Variants in METTL21A observed in about 807,000 individuals in gnomAD.
METTL21A encodes protein N-lysine methyltransferase METTL21A.
METTL21A carries 22 observed loss-of-function variants against 20.9 expected under a neutral mutation model. That is an observed-to-expected ratio of 1.05 (90% confidence interval 0.75 to 1.50). The LOEUF (loss-of-function observed/expected upper bound fraction) is 1.50. METTL21A is among the 40% of genes most tolerant of loss of function. The probability of loss-of-function intolerance (pLI) is 0.00; values close to 1 mark genes in which losing one functional copy is unlikely to be tolerated. For synonymous variants in METTL21A, 93 were observed against 102.0 expected (o/e 0.91, Z 0.53); for missense variants, 271 against 266.8 (o/e 1.02, Z -0.11).
intron 3 of METTL21A, among the ~76,000 whole-genome samples, chr2:207,586,753 A>G (rs2083914520): frequency 6.6e-6 from 1 of 152,226 alleles, no homozygotes; most frequent in Admixed American, 6.5e-5. Context: ...GTCTGAATAG[A>G]CATTTCTCAA....
At chr2:207,612,943 A>T in exon 4 of METTL21A, 1 of 1,260,464 alleles carries the variant, frequency 7.9e-7, no homozygotes, top group Non-Finnish European at 1.1e-6. Context: ...CCTTTGGCTT[A>T]GACTTTTTGT....
chr2:207,596,034 T>C (rs1213458734), intron 3 of METTL21A, among the ~76,000 whole-genome samples: 1 of 152,254 alleles, frequency 6.6e-6, no homozygotes, highest in Non-Finnish European at 1.5e-5. Context: ...TTTGGTGTTG[T>C]ATTTAAGATA....
chr2:207,619,020 A>G lies in METTL21A; in HGVS notation c.259+2786T>C, dbSNP rs550098658. Among the ~76,000 whole-genome samples the G allele has an allele frequency of 3.9e-5, 6 of 152,268 alleles. No homozygotes were observed. The East Asian group carries it at 7.7e-4, about 20-fold the overall frequency. On this transcript the variant is annotated intron_variant, in intron 3 of 3. Coordinates refer to ENST00000406927, the Ensembl canonical transcript of METTL21A. ...TCCCTTTCACCACTGGAAGGGCGCT[A>G]TAAGTAGGTAAGGCCTACTTACCAT...
intron 2 of METTL21A, among the ~76,000 whole-genome samples, chr2:207,622,496 T>C (rs894283388): frequency 6.6e-6 from 1 of 152,210 alleles, no homozygotes; most frequent in African/African-American, 2.4e-5. Flanking sequence ...ACAGCACTTT[T>C]ATGCTTGAAG....
At chr2:207,624,622 A>C in intron 1 of METTL21A, 1 of 387,890 alleles carries the variant, frequency 2.6e-6, no homozygotes, top group Non-Finnish European at 4.6e-6. Flanking sequence ...GAAGAAGAAA[A>C]AAAAAGCCCA....
chr2:207,590,349 C>G (rs531528016), intron 3 of METTL21A, among the ~76,000 whole-genome samples: 85 of 151,706 alleles, frequency 5.6e-4, no homozygotes, highest in Non-Finnish European at 1.0e-3. Context: ...CCCCAGCCAC[C>G]CTCCTTTTTT....
At chr2:207,598,351 T>C in intron 3 of METTL21A, 1 of 184,024 alleles carries the variant, frequency 5.4e-6, no homozygotes, top group Non-Finnish European at 1.2e-5. Context: ...ATATGCTGTA[T>C]AGCCTTTGTC....
At chr2:207,598,312 GTAGT>G (rs1332375835) in intron 3 of METTL21A, 1 of 183,622 alleles carries the variant, frequency 5.4e-6, no homozygotes, top group African/African-American at 2.3e-5. Context: ...TGTAAAAAGA[GTAGT>G]TATTAGTTCT....
intron 1 of METTL21A, chr2:207,625,136 G>A (rs2090978525): frequency 6.6e-6 from 1 of 152,380 alleles, no homozygotes; most frequent in South Asian, 2.1e-4. Flanking sequence ...AGGGGTGAGA[G>A]GGAGACCAGG....
chr2:207,588,355 G>A (rs1035141494), intron 3 of METTL21A, among the ~76,000 whole-genome samples: 2 of 151,904 alleles, frequency 1.3e-5, no homozygotes, highest in Non-Finnish European at 2.9e-5. Context: ...GACCATATTT[G>A]TGTGAGTCTG....
intron 3 of METTL21A, among the ~76,000 whole-genome samples, chr2:207,589,211 G>A (rs2084498771): frequency 1.3e-5 from 2 of 152,126 alleles, no homozygotes; most frequent in African/African-American, 4.8e-5. Flanking sequence ...CTAAAATGAA[G>A]GTGTCAGCAG....
At chr2:207,596,883 C>A in intron 3 of METTL21A, 3 of 1,579,174 alleles carry the variant, frequency 1.9e-6, no homozygotes, top group East Asian at 4.5e-5. Flanking sequence ...AAATCATTTG[C>A]ATAATTTTTC....
At chr2:207,591,543 G>A (rs1398391698) in intron 3 of METTL21A, among the ~76,000 whole-genome samples, 1 of 151,952 alleles carries the variant, frequency 6.6e-6, no homozygotes, top group African/African-American at 2.4e-5. Flanking sequence ...AGTGATTCTC[G>A]TGCCTCAGCT....
chr2:207,622,000 CCT>C (rs987337947), intron 2 of METTL21A, 83 bp from the exon 3 acceptor site: 2 of 1,157,696 alleles, frequency 1.7e-6, no homozygotes, highest in African/African-American at 3.0e-5. Context: ...TACACCCACC[CCT>C]CTCCCACTTC....
chr2:207,613,291 C>CA lies in METTL21A; in HGVS notation c.411dup (p.Asp138Ter). ...ATGATATCAGCACCAAGTATCAGGTCAAATTCTCCAGGAGAAAAACTCCCC... is the reference window on the plus strand; with the variant it reads ...ATGATATCAGCACCAAGTATCAGGTCAAAATTCTCCAGGAGAAAAACTCCCC... On this transcript the variant is annotated frameshift_variant, in exon 4 of 4. Transcript: ENST00000406927. LOFTEE classifies it high-confidence loss of function. 6.2e-7 allele frequency: 1 copy of CA among 1,614,062 alleles called. No individual in the cohort carries two copies. The highest frequency in any genetic ancestry group is 8.5e-7 in the Non-Finnish European group (1 of 1,180,000).
intron 1 of METTL21A, chr2:207,624,802 C>T (rs1387487980): frequency 6.6e-6 from 1 of 152,478 alleles, no homozygotes; most frequent in Non-Finnish European, 1.5e-5. Context: ...TGCAGCCAGC[C>T]GGGCGGCCCG....
chr2:207,597,004 A>G (rs1236636576), intron 3 of METTL21A: 1 of 1,612,746 alleles, frequency 6.2e-7, no homozygotes. Flanking sequence ...AAAACAAGAC[A>G]TTGATTGAGG....
At chr2:207,619,746 CCA>C (rs1211611738) in intron 3 of METTL21A, among the ~76,000 whole-genome samples, 1 of 144,656 alleles carries the variant, frequency 6.9e-6, no homozygotes, top group Non-Finnish European at 1.5e-5. Flanking sequence ...TTTCCCAACC[CCA>C]GAGAACCAGA....
downstream of METTL21A, among the ~76,000 whole-genome samples, chr2:207,606,423 A>G (rs2088115417): frequency 6.6e-6 from 1 of 152,216 alleles, no homozygotes; most frequent in Non-Finnish European, 1.5e-5. Context: ...CGGAGGTTGC[A>G]GTGAGCCGAG....
Sources: gnomAD v4.1 joint callset for allele counts (sites outside exome capture counted in the v4.1 genomes callset) on GRCh38, gnomAD v4.1.1 for gene constraint, MANE v1.5 for transcripts, NCBI Gene and HGNC (gene_info 2026-07-23, HGNC 2026-07-21) for gene names.